The following WDHD1 variants were observed in gnomAD, a reference collection of about 807,000 sequenced individuals.
WDHD1 encodes WD repeat and HMG-box DNA-binding protein 1.
Under a neutral mutation model 135.4 loss-of-function variants are expected in WDHD1, and 111 were observed. The observed-to-expected ratio is 0.82, with a 90% CI of 0.70 to 0.96. The LOEUF (loss-of-function observed/expected upper bound fraction) is 0.96. Ranked by LOEUF, WDHD1 falls within the 40% of genes least tolerant of loss-of-function variation. The pLI, the probability that WDHD1 is intolerant of heterozygous loss-of-function variation, is 0.00. For missense variants in WDHD1, 1,351 were observed against 1,336.3 expected (o/e 1.01, Z -0.17); for synonymous variants, 434 against 439.0 (o/e 0.99, Z 0.14).
rs750938008 is a variant in WDHD1 at position 54,962,774 on chromosome 14, C to T, written c.2611G>A (p.Ala871Thr). 1.2e-6 allele frequency: 2 copies of T among 1,613,874 alleles called. No individual in the cohort carries two copies. Among genetic ancestry groups the T allele is most frequent in the Admixed American group, 3.3e-5 (2 of 60,008 alleles). Residue 871 changes from alanine (A) to threonine (T), a missense_variant, in exon 20 of 26, where the codon GCT (alanine) becomes ACT (threonine). By Grantham distance (58) the Ala-to-Thr change is moderately conservative. Around this residue, in one of 2 missense-constraint regions of WDHD1, gnomAD observed 1,330 missense variants for 1,296.1 expected, o/e 1.03. Transcript: ENST00000360586. ...ATTTCTGGTTTTTCTTCATCATCAG[C>T]TTCTCCACTGTCCTCAGCATCTTCT... ...VEEDAEDSGEADDEEKPEIHK... is the reference protein window; with the variant it reads ...VEEDAEDSGETDDEEKPEIHK...
chr14:55,020,783 T>G (rs2042332847), intron 2 of WDHD1, among the ~76,000 whole-genome samples: 1 of 152,224 alleles, frequency 6.6e-6, no homozygotes, highest in African/African-American at 2.4e-5. Flanking sequence ...AACAGCCTAC[T>G]GTTGAGTAGA....
intron 2 of WDHD1, 146 bp from the exon 3 acceptor site, chr14:55,013,742 C>A: frequency 1.7e-6 from 1 of 597,246 alleles, no homozygotes; most frequent in African/African-American, 1.9e-5. Context: ...CTAGTCTCTA[C>A]AAAAAATTAA....
chr14:54,992,348 G>T (rs527922117), intron 11 of WDHD1, among the ~76,000 whole-genome samples: 1 of 152,232 alleles, frequency 6.6e-6, no homozygotes, highest in Admixed American at 6.5e-5. Context: ...AAATTAGCCT[G>T]GCATGGTGGC....
chr14:55,001,216 T>C (rs1285941525), intron 8 of WDHD1, among the ~76,000 whole-genome samples: 1 of 152,186 alleles, frequency 6.6e-6, no homozygotes, highest in East Asian at 1.9e-4. Flanking sequence ...CATTCAAGTA[T>C]CACTACCAGC....
chr14:54,997,089 CTTTTTTTTTTTTTTT>C (rs71131246), intron 10 of WDHD1, among the ~76,000 whole-genome samples: 1 of 41,204 alleles, frequency 2.4e-5, no homozygotes, highest in Admixed American at 4.0e-4. Context: ...AGCGCCCAGC[CTTTTTTTTTTTTTTT>C]TTTTTTTTTG....
intron 11 of WDHD1, 151 bp downstream of exon 11, chr14:54,995,452 C>CT (rs1014854916): frequency 3.7e-5 from 21 of 565,372 alleles, no homozygotes; most frequent in Middle Eastern, 3.6e-4. Flanking sequence ...GATTTGAAAC[C>CT]TTTTTTAACA....
intron 11 of WDHD1, among the ~76,000 whole-genome samples, chr14:54,992,327 C>T (rs566790855): frequency 3.3e-5 from 5 of 151,934 alleles, no homozygotes; most frequent in South Asian, 2.1e-4. Context: ...CCCGTCTCTA[C>T]TAAAATACAA....
At chr14:54,988,925 T>C in intron 13 of WDHD1, 103 bp downstream of exon 13, 1 of 1,072,224 alleles carries the variant, frequency 9.3e-7, no homozygotes, top group Non-Finnish European at 1.3e-6. Flanking sequence ...AATTTCATAT[T>C]ACAAAAAATA....
At position 54,944,650 on chromosome 14, in the gene WDHD1, C is replaced by T. The variant is rs531269148; in HGVS notation, c.3051-180G>A. The T allele has an allele frequency of 3.8e-5, 18 of 470,350 alleles. No homozygotes were observed. In the Admixed American group the frequency reaches 5.9e-4, roughly 15 times the overall value. 29.1% of individuals were successfully genotyped at this position (470,350 alleles called of 1,614,324 possible). A position where few individuals can be genotyped will look rare whatever the true frequency, so the allele number is the denominator to read the frequency against. The stretch of plus-strand genomic sequence containing the variant: ...TTTTTTTTTTTTTGAGACAGAGTCT[C>T]ACTCTGTCACCCAGCCTGGAGTGCA... On this transcript the variant is annotated intron_variant, in intron 24 of 25. Coordinates refer to ENST00000360586, the MANE Select transcript of WDHD1 (RefSeq NM_007086.4).
chr14:54,968,550 C>T (rs1370591312), intron 16 of WDHD1, among the ~76,000 whole-genome samples: 1 of 151,810 alleles, frequency 6.6e-6, no homozygotes, highest in Non-Finnish European at 1.5e-5. Context: ...AGAATCCATA[C>T]AAAGGATCAA....
chr14:54,944,413 G>A lies in WDHD1; in HGVS notation c.3108C>T (p.Asp1036=), dbSNP rs755827163. 1.2e-6 allele frequency: 2 copies of A among 1,607,706 alleles called. No homozygotes were observed. The highest frequency in any genetic ancestry group is 1.3e-5 in the African/African-American group (1 of 74,506). The change falls in exon 25 of 26, where the codon GAC becomes GAT. Residue 1036 remains aspartate, a synonymous_variant. Transcript: ENST00000360586. ...LEENRSNILS[D]NPDFSDEADI... is the part of the protein sequence containing the mutation. ...CTGCTTCATCTGAAAAGTCAGGATT[G>A]TCAGACAAAATATTACTTCTATTTT...
intron 24 of WDHD1, among the ~76,000 whole-genome samples, chr14:54,948,789 T>C (rs1315403292): frequency 1.3e-5 from 2 of 152,074 alleles, no homozygotes; most frequent in African/African-American, 2.4e-5. Flanking sequence ...CACGGCCGGG[T>C]ACCCCTCTGA....
chr14:54,976,347 G>A lies in WDHD1; in HGVS notation c.2063+5193C>T, dbSNP rs564757366. Among the ~76,000 whole-genome samples the A allele has an allele frequency of 2.6e-3, 394 of 152,074 alleles. 3 individuals carry two copies. The highest frequency in any genetic ancestry group is 9.0e-3 in the African/African-American group (374 of 41,506). On this transcript the variant is annotated intron_variant, in intron 16 of 25. Coordinates refer to ENST00000360586, the MANE Select transcript of WDHD1 (RefSeq NM_007086.4). Reference sequence around the variant, plus strand: ...AGTCATACCCTTACCTCAGCCTCCCGAGCAGCTGGGACTACAGGCATGTAC... The same window carrying A: ...AGTCATACCCTTACCTCAGCCTCCCAAGCAGCTGGGACTACAGGCATGTAC...
At chr14:55,017,570 T>C (rs1401923728) in intron 2 of WDHD1, among the ~76,000 whole-genome samples, 1 of 152,158 alleles carries the variant, frequency 6.6e-6, no homozygotes, top group Non-Finnish European at 1.5e-5. Context: ...CTCGAACTCT[T>C]GACCTCAAGT....
chr14:54,982,125 G>C (rs1392075777), intron 15 of WDHD1, among the ~76,000 whole-genome samples: 1 of 151,822 alleles, frequency 6.6e-6, no homozygotes, highest in African/African-American at 2.4e-5. Context: ...TCCTGCCTCA[G>C]CCTCCCGAGT....
intron 16 of WDHD1, among the ~76,000 whole-genome samples, chr14:54,969,492 T>G (rs192724921): frequency 6.6e-6 from 1 of 151,792 alleles, no homozygotes; most frequent in African/African-American, 2.4e-5. Flanking sequence ...CCTGGAAACA[T>G]AAAACTTCCC....
chr14:54,977,076 A>G (rs2041536895), intron 16 of WDHD1, among the ~76,000 whole-genome samples: 1 of 151,946 alleles, frequency 6.6e-6, no homozygotes, highest in Non-Finnish European at 1.5e-5. Flanking sequence ...TTAATACAAA[A>G]AAATAAGGTT....
chr14:55,000,957 T>C lies in WDHD1; in HGVS notation c.729A>G (p.Gln243=). The change falls in exon 9 of 26, where the codon CAA becomes CAG. Residue 243 remains glutamine, a synonymous_variant. Coordinates refer to ENST00000360586, the MANE Select transcript of WDHD1 (RefSeq NM_007086.4). Reference sequence around the variant, plus strand: ...CATTAATACTACCTGCAGCTAAATATTGCCCACAGGGAGACCAGGTTACTA... The same window carrying C: ...CATTAATACTACCTGCAGCTAAATACTGCCCACAGGGAGACCAGGTTACTA... ...LNIVTWSPCG[Q]YLAAGSINGL... 1 of 1,593,086 alleles carries C rather than the reference T, an allele frequency of 6.3e-7. No homozygotes were observed. Among genetic ancestry groups the C allele is most frequent in the Non-Finnish European group, 8.5e-7 (1 of 1,170,812 alleles).
Position 54,963,187 on chromosome 14 carries a change from G to GA in WDHD1, c.2311-16_2311-15insT. 1 of 692,738 alleles carries GA rather than the reference G, an allele frequency of 1.4e-6. No individual in the cohort carries two copies. Among genetic ancestry groups the GA allele is most frequent in the Non-Finnish European group, 2.1e-6 (1 of 484,338 alleles). The allele number at this position is 692,738 out of a possible 1,614,324, so 42.9% of individuals were successfully genotyped here. A position where few individuals can be genotyped will look rare whatever the true frequency, so the allele number is the denominator to read the frequency against. ...TTACAAGAAAGCTAATCCAAAAAGG[G>GA]GGGGGGGGGGGAGATCAAATAACAT... On this transcript the variant is annotated splice_polypyrimidine_tract_variant and intron_variant, in intron 18 of 25. Transcript: ENST00000360586.
Sources: gnomAD v4.1 joint callset for allele counts (sites outside exome capture counted in the v4.1 genomes callset) on GRCh38, gnomAD v4.1.1 for gene constraint, gnomAD v4.1.1 regional missense constraint, MANE v1.5 for transcripts, NCBI Gene and HGNC (gene_info 2026-07-23, HGNC 2026-07-21) for gene names.